The following CFAP54 variants were observed in gnomAD, a reference collection of about 807,000 sequenced individuals.
CFAP54 encodes cilia- and flagella-associated protein 54.
A neutral mutation model predicts 370.4 loss-of-function variants in CFAP54; 290 were observed. The ratio of observed to expected loss-of-function variants is 0.78; its 90% CI spans 0.71 to 0.86. The LOEUF is 0.86. CFAP54 is among the 40% of genes least tolerant of loss of function. CFAP54 has a pLI of 0.00. For synonymous variants in CFAP54, 1,206 were observed against 1,236.5 expected, an observed-to-expected ratio of 0.98 and a Z score of 0.52; for missense variants, 3,399 against 3,528.7, an observed-to-expected ratio of 0.96 and a Z score of 0.93.
intron 50 of CFAP54, among the ~76,000 whole-genome samples, chr12:96,738,006 T>C (rs1449125106): frequency 1.3e-5 from 2 of 152,010 alleles, no homozygotes; most frequent in Non-Finnish European, 2.9e-5. Flanking sequence ...CTTGAAGAGA[T>C]CACTGTGGCT....
At chr12:96,793,033 C>A (rs939009353) in intron 63 of CFAP54, among the ~76,000 whole-genome samples, 1 of 151,766 alleles carries the variant, frequency 6.6e-6, no homozygotes, top group Admixed American at 6.6e-5. Context: ...TATTTTTATA[C>A]TATTCTTTTT....
At position 96,634,046 on chromosome 12, in the gene CFAP54, CTTTTTTTTTTT is replaced by C. The variant is rs71437232; in HGVS notation, c.4316+3412_4316+3422del. 3.8e-3 allele frequency among the ~76,000 whole-genome samples: 219 copies of C among 56,914 alleles called. 3 individuals carry two copies. Among genetic ancestry groups the C allele is most frequent in the African/African-American group, 0.013 (200 of 15,828 alleles). 37.3% of individuals were successfully genotyped at this position (56,914 alleles called of 152,430 possible). A position where few individuals can be genotyped will look rare whatever the true frequency, so the allele number is the denominator to read the frequency against. ...TCTAATGGCTAATGATAGCGAACATCTTTTTTTTTTTTTTTTTTTTTTTTTTTGAGATGGAG... is the reference window on the plus strand; with the variant it reads ...TCTAATGGCTAATGATAGCGAACATCTTTTTTTTTTTTTTTTGAGATGGAG... On this transcript the variant is annotated intron_variant, in intron 32 of 67. Coordinates refer to ENST00000524981, the MANE Select transcript of CFAP54 (RefSeq NM_001306084.2).
intron 42 of CFAP54, among the ~76,000 whole-genome samples, chr12:96,685,896 G>A (rs1248544954): frequency 6.6e-6 from 1 of 152,146 alleles, no homozygotes; most frequent in Non-Finnish European, 1.5e-5. Context: ...CAGTTGGTGA[G>A]GAAGCAGGAA....
rs779114940 is a variant in CFAP54 at position 96,704,792 on chromosome 12, T to A, written c.6524T>A (p.Ile2175Lys). The change falls in exon 47 of 68, where the codon ATA becomes AAA. Residue 2175 changes from isoleucine to lysine, a missense_variant. Ile to Lys is a moderately radical substitution (Grantham distance 102). Around this residue, in one of 3 missense-constraint regions of CFAP54, gnomAD observed 2,796 missense variants for 2,869.7 expected, o/e 0.97. Coordinates refer to ENST00000524981, the MANE Select transcript of CFAP54 (RefSeq NM_001306084.2). ...AAACTTCTTACCAGTAAAGAAAATA[T>A]ACAGGTAAGGATAATAATATTTTAT... ...SGKLLTSKEN[I>K]QAIDELRNKG... 1 of 1,104,654 alleles carries A rather than the reference T, an allele frequency of 9.1e-7. No homozygotes were observed. The highest frequency in any genetic ancestry group is 1.5e-5 in the South Asian group (1 of 66,726). The allele number at this position is 1,104,654 out of a possible 1,614,324, so 68.4% of individuals were successfully genotyped here.
At chr12:96,496,213 A>G (rs1022837127) in intron 1 of CFAP54, among the ~76,000 whole-genome samples, 7 of 152,246 alleles carry the variant, frequency 4.6e-5, no homozygotes, top group African/African-American at 1.7e-4. Context: ...CTCAATCAAT[A>G]TTATTTAATT....
chr12:96,779,120 A>C (rs1958555954), intron 60 of CFAP54, among the ~76,000 whole-genome samples: 1 of 151,752 alleles, frequency 6.6e-6, no homozygotes, highest in Admixed American at 6.6e-5. Context: ...AAAAAAAAAA[A>C]AAAAACCCAC....
At chr12:96,806,159 AATATATATATATATAT>A (rs548500750) in intron 63 of CFAP54, among the ~76,000 whole-genome samples, 437 of 27,882 alleles carry the variant, frequency 0.016, 14 homozygotes, top group Middle Eastern at 0.042. Context: ...TCACTAGCCA[AATATATATATATATAT>A]ATATATATAT....
At chr12:96,795,190 T>G (rs1015470102) in intron 63 of CFAP54, among the ~76,000 whole-genome samples, 2 of 152,164 alleles carry the variant, frequency 1.3e-5, no homozygotes, top group African/African-American at 4.8e-5. Flanking sequence ...TGTATTTTTT[T>G]TAGTGCACTG....
chr12:96,759,104 A>G lies in CFAP54; in HGVS notation c.8040+1516A>G, dbSNP rs1958302558. ...TCAAATCTTTAATTTTTGAGACAACATAAACATGATTTAAAACCTTTAGGC... is the reference window on the plus strand; with the variant it reads ...TCAAATCTTTAATTTTTGAGACAACGTAAACATGATTTAAAACCTTTAGGC... On this transcript the variant is annotated intron_variant, in intron 58 of 67. Transcript: ENST00000524981. 1.3e-5 allele frequency among the ~76,000 whole-genome samples: 2 copies of G among 152,188 alleles called. 1 individual carries two copies. Among genetic ancestry groups the G allele is most frequent in the South Asian group, 4.1e-4 (2 of 4,832 alleles).
chr12:96,735,586 A>C (rs1565959173), intron 50 of CFAP54, among the ~76,000 whole-genome samples: 1 of 152,246 alleles, frequency 6.6e-6, no homozygotes, highest in Non-Finnish European at 1.5e-5. Context: ...TGCATAACTG[A>C]ATACAGATGT....
intron 58 of CFAP54, among the ~76,000 whole-genome samples, chr12:96,758,081 A>T (rs576744797): frequency 9.8e-5 from 15 of 152,286 alleles, no homozygotes; most frequent in African/African-American, 3.6e-4. Flanking sequence ...GTACTCTCAT[A>T]GAGGAAGATG....
chr12:96,742,353 CT>C, intron 51 of CFAP54, 85 bp from the exon 52 acceptor site: 1 of 949,914 alleles, frequency 1.1e-6, no homozygotes, highest in Non-Finnish European at 1.6e-6. Context: ...TACCAGATGC[CT>C]TTTAAACTTA....
chr12:96,865,757 T>C (rs1327311581), intron 67 of CFAP54, among the ~76,000 whole-genome samples: 1 of 152,168 alleles, frequency 6.6e-6, no homozygotes, highest in East Asian at 1.9e-4. Flanking sequence ...AAATAACTAA[T>C]AAATTGAACT....
chr12:96,822,953 T>G (rs1325194878), intron 65 of CFAP54, among the ~76,000 whole-genome samples: 1 of 152,212 alleles, frequency 6.6e-6, no homozygotes, highest in Non-Finnish European at 1.5e-5. Flanking sequence ...TTGTTCAACT[T>G]AGTACCTCTG....
chr12:96,850,076 A>G (rs1438435639), intron 66 of CFAP54, among the ~76,000 whole-genome samples: 13 of 152,126 alleles, frequency 8.5e-5, no homozygotes, highest in Admixed American at 7.2e-4. Context: ...GCTGAGCTGG[A>G]AAAACATGCC....
intron 67 of CFAP54, among the ~76,000 whole-genome samples, chr12:96,864,801 C>T (rs1476919351): frequency 6.6e-6 from 1 of 152,024 alleles, no homozygotes; most frequent in East Asian, 1.9e-4. Context: ...TGAGCCTGCT[C>T]CACATTACTT....
intron 60 of CFAP54, among the ~76,000 whole-genome samples, chr12:96,769,663 A>T (rs1376614469): frequency 6.6e-6 from 1 of 152,170 alleles, no homozygotes; most frequent in Non-Finnish European, 1.5e-5. Flanking sequence ...CATGGCAATT[A>T]TACCTTTTAT....
chr12:96,833,661 G>A (rs1421525542), intron 66 of CFAP54, among the ~76,000 whole-genome samples: 1 of 151,992 alleles, frequency 6.6e-6, no homozygotes, highest in Non-Finnish European at 1.5e-5. Flanking sequence ...TATTATATAA[G>A]GAGATTGCAA....
Position 96,874,488 on chromosome 12 carries a change from G to A in CFAP54, c.*15-630G>A, listed in dbSNP as rs142341001. Among the ~76,000 whole-genome samples the A allele has an allele frequency of 4.1e-4, 63 of 151,952 alleles. No homozygotes were observed. In the East Asian group the frequency reaches 8.7e-3, roughly 21 times the overall value. ...GAAGAATAGAAAATAAAACCTGATT[G>A]GTTAATATCAGGTTGCTTTTTTGTA... On this transcript the variant is annotated intron_variant, in intron 67 of 67. Transcript: ENST00000524981.
Sources: allele counts gnomAD v4.1 joint callset (sites outside exome capture counted in the v4.1 genomes callset), GRCh38; gene constraint gnomAD v4.1.1; regional missense constraint gnomAD v4.1.1; transcripts MANE v1.5; gene names NCBI Gene and HGNC (gene_info 2026-07-23, HGNC 2026-07-21).